DYRK1A: variants seen among roughly 807,000 people sequenced by gnomAD.
DYRK1A encodes dual specificity tyrosine-phosphorylation-regulated kinase 1A.
DYRK1A carries 9 observed loss-of-function variants against 79.7 expected under a neutral mutation model. The observed-to-expected ratio is 0.11, with a 90% CI of 0.07 to 0.20. The LOEUF (loss-of-function observed/expected upper bound fraction) is 0.20, where lower values mean the gene tolerates loss of function less well. Ranked by LOEUF, DYRK1A falls within the 10% of genes least tolerant of loss-of-function variation. The pLI, the probability that DYRK1A is intolerant of heterozygous loss-of-function variation, is 1.00. For synonymous variants in DYRK1A, 349 were observed against 329.7 expected, an observed-to-expected ratio of 1.06 and a Z score of -0.63; for missense variants, 622 against 956.0, an observed-to-expected ratio of 0.65 and a Z score of 4.61.
At chr21:37,401,260 A>G (rs1360200516) in intron 1 of DYRK1A, among the ~76,000 whole-genome samples, 1 of 152,186 alleles carries the variant, frequency 6.6e-6, no homozygotes, top group Admixed American at 6.5e-5. Context: ...ATATAAGCAT[A>G]TGTAGTGTTT....
At chr21:37,382,078 A>G (rs1255976685) in intron 1 of DYRK1A, among the ~76,000 whole-genome samples, 1 of 152,096 alleles carries the variant, frequency 6.6e-6, no homozygotes, top group Non-Finnish European at 1.5e-5. Flanking sequence ...TCTGTAGTAA[A>G]TATTTGGAAA....
At chr21:37,418,313 A>G (rs2050397314) in intron 1 of DYRK1A, among the ~76,000 whole-genome samples, 1 of 152,218 alleles carries the variant, frequency 6.6e-6, no homozygotes, top group Non-Finnish European at 1.5e-5. Context: ...GTGGCCTTTC[A>G]TATGAGTAAT....
intron 1 of DYRK1A, among the ~76,000 whole-genome samples, chr21:37,397,341 AAG>A (rs1429743313): frequency 2.0e-5 from 3 of 152,224 alleles, no homozygotes; most frequent in East Asian, 1.9e-4. Context: ...TTAATGGAAA[AAG>A]TAAATTATTT....
In DYRK1A at chr21:37,400,947, C is replaced by T. The variant is rs554545692; in HGVS notation, c.-76-19352C>T. 2.8e-4 allele frequency among the ~76,000 whole-genome samples: 43 copies of T among 152,174 alleles called. 1 individual carries two copies. In the South Asian group the frequency reaches 7.7e-3, roughly 27 times the overall value. ...ATCACTTGAGGTCAGGAGTTCAAGA[C>T]AGCCTGGCCAACATGATGAGACCCT... On this transcript the variant is annotated intron_variant, in intron 1 of 11. Coordinates refer to ENST00000647188, the MANE Select transcript of DYRK1A (RefSeq NM_001347721.2).
In DYRK1A at chr21:37,430,558, C is replaced by T. The variant is rs563080656; in HGVS notation, c.10+10174C>T. 3.9e-5 allele frequency among the ~76,000 whole-genome samples: 6 copies of T among 152,346 alleles called. No homozygotes were observed. In the South Asian group the frequency reaches 1.2e-3, roughly 32 times the overall value. ...AGAGTCCTCTGTCATCATTTTGCCT[C>T]TCTCCTAAGTGACAGGACTGAGTGC... On this transcript the variant is annotated intron_variant, in intron 2 of 11. Coordinates refer to ENST00000647188, the MANE Select transcript of DYRK1A (RefSeq NM_001347721.2).
At chr21:37,396,790 A>C (rs768463576) in intron 1 of DYRK1A, among the ~76,000 whole-genome samples, 2 of 152,176 alleles carry the variant, frequency 1.3e-5, no homozygotes, top group Non-Finnish European at 2.9e-5. Context: ...CAACTGATGT[A>C]GTTGTGAGAA....
intron 1 of DYRK1A, among the ~76,000 whole-genome samples, chr21:37,374,381 A>G (rs1273463692): frequency 6.6e-6 from 1 of 150,570 alleles, no homozygotes; most frequent in Non-Finnish European, 1.5e-5. Flanking sequence ...GATTTGAAAA[A>G]AGAGAAATAT....
At chr21:37,505,998 TGTGA>T (rs1161540832) in intron 10 of DYRK1A, 97 bp from the exon 11 acceptor site, 4 of 1,339,692 alleles carry the variant, frequency 3.0e-6, no homozygotes, top group South Asian at 2.9e-5. Flanking sequence ...TATGTGTGTG[TGTGA>T]GTACTTTCAG....
At chr21:37,474,108 C>T (rs1409327727) in intron 3 of DYRK1A, among the ~76,000 whole-genome samples, 4 of 152,110 alleles carry the variant, frequency 2.6e-5, no homozygotes, top group Non-Finnish European at 5.9e-5. Flanking sequence ...GTGACTTTTC[C>T]GTGTGTGAGC....
chr21:37,479,244 C>T (rs1450775453), intron 4 of DYRK1A, among the ~76,000 whole-genome samples: 1 of 152,316 alleles, frequency 6.6e-6, no homozygotes, highest in East Asian at 1.9e-4. Flanking sequence ...CTGTGAGGAA[C>T]ATTTCTGAGT....
At chr21:37,443,299 G>C (rs538040426) in intron 2 of DYRK1A, among the ~76,000 whole-genome samples, 17 of 152,182 alleles carry the variant, frequency 1.1e-4, no homozygotes, top group African/African-American at 3.9e-4. Context: ...TTGAGCCACC[G>C]CTCCTGGCCA....
At chr21:37,397,544 T>A (rs1322341172) in intron 1 of DYRK1A, among the ~76,000 whole-genome samples, 3 of 152,162 alleles carry the variant, frequency 2.0e-5, no homozygotes, top group Non-Finnish European at 4.4e-5. Flanking sequence ...GGACATCTCT[T>A]TTCCAGAGCA....
chr21:37,521,182 T>G lies in DYRK1A; in HGVS notation c.*8651T>G, dbSNP rs1262727124. 6.6e-6 allele frequency: 1 copy of G among 152,230 alleles called. No individual in the cohort carries two copies. Among genetic ancestry groups the G allele is most frequent in the Non-Finnish European group, 1.5e-5 (1 of 68,042 alleles). The allele number at this position is 152,230 out of a possible 1,614,324, so 9.4% of individuals were successfully genotyped here. ...CTCGGTTTTGTTTGCGTATTAGAGT[T>G]CTGACCATCTTCACTAGAAGTGGGG... On this transcript the variant is annotated 3_prime_UTR_variant, in exon 12 of 12. Coordinates refer to ENST00000647188, the MANE Select transcript of DYRK1A (RefSeq NM_001347721.2).
chr21:37,486,196 T>G (rs2052858911), intron 5 of DYRK1A: 1 of 210,622 alleles, frequency 4.7e-6, no homozygotes. Context: ...TTAATTTTAT[T>G]AAGAAAATTA....
chr21:37,497,782 G>A (rs747839534), intron 9 of DYRK1A, among the ~76,000 whole-genome samples: 21 of 152,074 alleles, frequency 1.4e-4, no homozygotes, highest in Non-Finnish European at 2.5e-4. Flanking sequence ...TGGGGTGGGG[G>A]CATTTCAGAA....
chr21:37,380,288 T>C (rs745569751), intron 1 of DYRK1A, among the ~76,000 whole-genome samples: 2 of 152,224 alleles, frequency 1.3e-5, no homozygotes, highest in Non-Finnish European at 2.9e-5. Context: ...CATCAAATGT[T>C]CGTTATTGAG....
At chr21:37,414,855 T>C (rs948023146) in intron 1 of DYRK1A, among the ~76,000 whole-genome samples, 7 of 152,198 alleles carry the variant, frequency 4.6e-5, no homozygotes, top group African/African-American at 1.7e-4. Flanking sequence ...GTGCAAATCA[T>C]TGTAAATGTT....
chr21:37,438,956 T>C (rs764170829), intron 2 of DYRK1A, among the ~76,000 whole-genome samples: 3 of 152,162 alleles, frequency 2.0e-5, no homozygotes, highest in Non-Finnish European at 4.4e-5. Flanking sequence ...CGTGCACATA[T>C]ATCTATTTAG....
At chr21:37,457,004 A>C (rs1001627739) in intron 2 of DYRK1A, among the ~76,000 whole-genome samples, 21 of 151,976 alleles carry the variant, frequency 1.4e-4, no homozygotes, top group Non-Finnish European at 2.5e-4. Flanking sequence ...TTGAGAGGTA[A>C]AAAGAAAATT....
Sources: gnomAD v4.1 joint callset for allele counts (sites outside exome capture counted in the v4.1 genomes callset) on GRCh38, gnomAD v4.1.1 for gene constraint, MANE v1.5 for transcripts, NCBI Gene and HGNC (gene_info 2026-07-23, HGNC 2026-07-21) for gene names.